The following RANBP17 variants were observed in gnomAD, a reference collection of about 807,000 sequenced individuals.
RANBP17 encodes RAN binding protein 17.
Under a neutral mutation model 141.2 loss-of-function variants are expected in RANBP17, and 158 were observed. That is an observed-to-expected ratio of 1.12 (90% CI 0.98 to 1.28). The LOEUF (loss-of-function observed/expected upper bound fraction) is 1.28, where lower values mean the gene tolerates loss of function less well. RANBP17 is among the 50% of genes most tolerant of loss of function. The pLI is 0.00. For missense variants in RANBP17, 1,438 were observed against 1,290.7 expected, an observed-to-expected ratio of 1.11 and a Z score of -1.75; for synonymous variants, 430 against 450.0, an observed-to-expected ratio of 0.96 and a Z score of 0.56.
intron 13 of RANBP17, among the ~76,000 whole-genome samples, chr5:170,959,630 A>G (rs755426406): frequency 2.0e-5 from 3 of 152,224 alleles, no homozygotes; most frequent in Admixed American, 2.0e-4. Flanking sequence ...TTTAACTACT[A>G]ATAGCCCACT....
At chr5:171,113,851 A>G (rs1755421226) in intron 14 of RANBP17, among the ~76,000 whole-genome samples, 1 of 152,166 alleles carries the variant, frequency 6.6e-6, no homozygotes, top group African/African-American at 2.4e-5. Flanking sequence ...TTTCACTCTC[A>G]TGAATGTACA....
At chr5:171,266,789 G>C (rs1258675993) in intron 25 of RANBP17, among the ~76,000 whole-genome samples, 1 of 152,014 alleles carries the variant, frequency 6.6e-6, no homozygotes, top group Non-Finnish European at 1.5e-5. Context: ...GTGCTCACCT[G>C]TAGTCCCAGC....
At chr5:171,083,347 G>C (rs894287131) in intron 14 of RANBP17, among the ~76,000 whole-genome samples, 1 of 152,116 alleles carries the variant, frequency 6.6e-6, no homozygotes, top group East Asian at 1.9e-4. Flanking sequence ...CATGTAAGGA[G>C]AGAATGAAAA....
At chr5:171,150,381 T>G (rs777345539) in intron 14 of RANBP17, among the ~76,000 whole-genome samples, 20 of 152,066 alleles carry the variant, frequency 1.3e-4, no homozygotes, top group Non-Finnish European at 2.4e-4. Context: ...TAATAACAGA[T>G]TCGTAATGAT....
chr5:170,923,597 C>G (rs1392671517), intron 11 of RANBP17, among the ~76,000 whole-genome samples: 3 of 152,148 alleles, frequency 2.0e-5, no homozygotes, highest in Admixed American at 2.0e-4. Context: ...ATTGACATCT[C>G]AACAATATTG....
At chr5:170,967,528 C>G (rs1263357547) in intron 13 of RANBP17, among the ~76,000 whole-genome samples, 1 of 151,388 alleles carries the variant, frequency 6.6e-6, no homozygotes, top group Non-Finnish European at 1.5e-5. Flanking sequence ...TTTTGAGGTT[C>G]TGCACTAAGT....
chr5:171,246,258 C>T (rs1240680285), intron 24 of RANBP17, among the ~76,000 whole-genome samples: 2 of 152,208 alleles, frequency 1.3e-5, no homozygotes, highest in African/African-American at 4.8e-5. Context: ...AACTCTCTTA[C>T]GTAGGTCCCA....
In RANBP17 at chr5:171,240,091, AAT is replaced by A. The variant is rs1764773033; in HGVS notation, c.2423-836_2423-835del. ...AATTTTGTAAATTGAATTTAGTTTC[AAT>A]TTTAGAAGCAATACTCATTTGACCA... On this transcript the variant is annotated intron_variant, in intron 22 of 27. Coordinates refer to ENST00000523189, the MANE Select transcript of RANBP17 (RefSeq NM_022897.5). Among the ~76,000 whole-genome samples, 3 of 151,808 alleles carry A rather than the reference AAT, an allele frequency of 2.0e-5. 1 individual carries two copies. Among genetic ancestry groups the A allele is most frequent in the African/African-American group, 7.3e-5 (3 of 41,092 alleles).
At position 171,019,548 on chromosome 5, in the gene RANBP17, C is replaced by T. The variant is rs950788926; in HGVS notation, c.1710+51171C>T. Among the ~76,000 whole-genome samples, 90 of 151,834 alleles carry T rather than the reference C, an allele frequency of 5.9e-4. 2 individuals carry two copies. The highest frequency in any genetic ancestry group is 5.8e-4 in the East Asian group (3 of 5,190). On this transcript the variant is annotated intron_variant, in intron 14 of 27. Transcript: ENST00000523189. ...TAGATTTTCTAGTTTATTTGCATAGCGGTGTTTATAGTATTCTCTGATGGT... is the reference window on the plus strand; with the variant it reads ...TAGATTTTCTAGTTTATTTGCATAGTGGTGTTTATAGTATTCTCTGATGGT...
intron 14 of RANBP17, among the ~76,000 whole-genome samples, chr5:171,051,779 T>C (rs981749047): frequency 1.3e-5 from 2 of 152,184 alleles, no homozygotes; most frequent in Non-Finnish European, 2.9e-5. Flanking sequence ...CTAAATCATA[T>C]GGTAATTCTT....
chr5:171,200,090 C>T (rs1762215766), intron 19 of RANBP17, among the ~76,000 whole-genome samples: 1 of 152,098 alleles, frequency 6.6e-6, no homozygotes, highest in African/African-American at 2.4e-5. Flanking sequence ...CTCATCTATC[C>T]TGCACTGTTA....
intron 5 of RANBP17, chr5:170,903,716 C>T (rs1770849814): frequency 3.2e-6 from 1 of 308,458 alleles, no homozygotes. Flanking sequence ...ACATCATTAG[C>T]AAAGTCGACC....
chr5:170,922,494 A>G (rs1435628069), intron 11 of RANBP17, among the ~76,000 whole-genome samples: 1 of 151,854 alleles, frequency 6.6e-6, no homozygotes, highest in Admixed American at 6.6e-5. Context: ...TGCTTTGTTT[A>G]CACTGTGAGC....
chr5:171,018,569 G>A (rs555492221), intron 14 of RANBP17, among the ~76,000 whole-genome samples: 6 of 152,244 alleles, frequency 3.9e-5, no homozygotes, highest in African/African-American at 1.2e-4. Context: ...TCTATTGTAG[G>A]TGTAAAGGAA....
chr5:170,887,232 G>T (rs1561856580), intron 3 of RANBP17, among the ~76,000 whole-genome samples: 1 of 152,064 alleles, frequency 6.6e-6, no homozygotes, highest in Non-Finnish European at 1.5e-5. Context: ...CCCGATCTGT[G>T]GCTTATCTTT....
chr5:170,906,933 A>G (rs1440463335), intron 5 of RANBP17, among the ~76,000 whole-genome samples: 5 of 151,992 alleles, frequency 3.3e-5, no homozygotes, highest in Non-Finnish European at 1.5e-5. Flanking sequence ...ATGGTGAAAA[A>G]TATAGATGGC....
intron 14 of RANBP17, among the ~76,000 whole-genome samples, chr5:170,988,780 G>T (rs1778320567): frequency 6.6e-6 from 1 of 151,708 alleles, no homozygotes; most frequent in Non-Finnish European, 1.5e-5. Context: ...GGATGTTGTT[G>T]AACATTCAGA....
chr5:171,271,094 T>C (rs1767086765), intron 25 of RANBP17: 1 of 121,788 alleles, frequency 8.2e-6, no homozygotes, highest in Non-Finnish European at 1.7e-5. Flanking sequence ...TTTTTTTTTT[T>C]TTTTTTTTTT....
At chr5:171,058,617 A>C (rs1158220571) in intron 14 of RANBP17, among the ~76,000 whole-genome samples, 2 of 150,638 alleles carry the variant, frequency 1.3e-5, no homozygotes, top group African/African-American at 4.9e-5. Context: ...TGCCACAATA[A>C]ACATATGTGT....
Sources: allele counts gnomAD v4.1 joint callset (sites outside exome capture counted in the v4.1 genomes callset), GRCh38; gene constraint gnomAD v4.1.1; transcripts MANE v1.5; gene names NCBI Gene and HGNC (gene_info 2026-07-23, HGNC 2026-07-21).